AGMO: variants seen among roughly 807,000 people sequenced by gnomAD.
AGMO encodes glyceryl-ether monooxygenase.
A neutral mutation model predicts 60.2 loss-of-function variants in AGMO; 75 were observed. The ratio of observed to expected loss-of-function variants is 1.25; its 90% CI spans 1.03 to 1.51. AGMO has a LOEUF of 1.51. Among genes scored for constraint, AGMO ranks in the 40% most tolerant of loss-of-function variants. AGMO has a pLI of 0.00. For synonymous variants in AGMO, 261 were observed against 177.1 expected (o/e 1.47, Z -3.76); for missense variants, 763 against 525.5 (o/e 1.45, Z -4.42).
At chr7:15,219,747 G>GC (rs1373180647) in intron 12 of AGMO, among the ~76,000 whole-genome samples, 16 of 152,156 alleles carry the variant, frequency 1.1e-4, no homozygotes, top group Non-Finnish European at 2.1e-4. Flanking sequence ...ACAGTGGCCA[G>GC]AGGGAAAGTA....
intron 10 of AGMO, among the ~76,000 whole-genome samples, chr7:15,371,113 C>T: frequency 6.6e-6 from 1 of 152,086 alleles, no homozygotes; most frequent in East Asian, 1.9e-4. Flanking sequence ...TAAAAATTAA[C>T]TCAAGATTGA....
chr7:15,343,338 T>C (rs1781925879), intron 12 of AGMO, among the ~76,000 whole-genome samples: 1 of 152,136 alleles, frequency 6.6e-6, no homozygotes, highest in Admixed American at 6.5e-5. Context: ...GCGGAAATAA[T>C]TATAGACAAC....
chr7:15,221,311 T>C (rs1463144811), intron 12 of AGMO, among the ~76,000 whole-genome samples: 1 of 152,144 alleles, frequency 6.6e-6, no homozygotes. Context: ...GTAAGTCATC[T>C]AGCAAAACTT....
chr7:15,259,739 T>G (rs1669357376), intron 12 of AGMO, among the ~76,000 whole-genome samples: 1 of 151,606 alleles, frequency 6.6e-6, no homozygotes, highest in African/African-American at 2.4e-5. Context: ...CTAGAAGGGA[T>G]TTGGGTCCTA....
intron 12 of AGMO, among the ~76,000 whole-genome samples, chr7:15,233,606 T>C (rs1367959445): frequency 6.6e-6 from 1 of 151,944 alleles, no homozygotes; most frequent in Non-Finnish European, 1.5e-5. Context: ...GTGGTGATGA[T>C]TACACAGCAT....
At chr7:15,358,850 A>G (rs370334938) in intron 12 of AGMO, among the ~76,000 whole-genome samples, 6 of 152,258 alleles carry the variant, frequency 3.9e-5, no homozygotes, top group Non-Finnish European at 8.8e-5. Flanking sequence ...TCCTTGAAGT[A>G]TTGGGGATGA....
chr7:15,334,109 C>A (rs572314149), intron 12 of AGMO, among the ~76,000 whole-genome samples: 5 of 151,968 alleles, frequency 3.3e-5, no homozygotes, highest in South Asian at 2.1e-4. Flanking sequence ...TTTCTTATTA[C>A]CTTTGATATG....
intron 3 of AGMO, among the ~76,000 whole-genome samples, chr7:15,444,388 G>A (rs963619775): frequency 3.3e-5 from 5 of 152,026 alleles, no homozygotes; most frequent in African/African-American, 1.2e-4. Flanking sequence ...TTTATCTCCA[G>A]CATGAGAAAA....
At chr7:15,334,339 C>A in intron 12 of AGMO, among the ~76,000 whole-genome samples, 1 of 149,448 alleles carries the variant, frequency 6.7e-6, no homozygotes. Flanking sequence ...TATGCATCTG[C>A]TATTTATTTA....
chr7:15,531,613 G>GAAAATATAAATA (rs1784365040), intron 3 of AGMO, among the ~76,000 whole-genome samples: 1 of 71,308 alleles, frequency 1.4e-5, no homozygotes, highest in Admixed American at 2.0e-4. Context: ...TATATTCTAT[G>GAAAATATAAATA]TATATTCTAT....
chr7:15,554,010 C>G (rs1785055776), intron 2 of AGMO, among the ~76,000 whole-genome samples: 1 of 151,954 alleles, frequency 6.6e-6, no homozygotes, highest in Admixed American at 6.6e-5. Context: ...AATTTGATCC[C>G]CTTTTATTAC....
intron 12 of AGMO, among the ~76,000 whole-genome samples, chr7:15,284,343 C>T (rs1446560200): frequency 1.3e-5 from 2 of 151,814 alleles, no homozygotes; most frequent in Non-Finnish European, 2.9e-5. Context: ...CTAGATTAAT[C>T]AAGAAGAGAG....
intron 4 of AGMO, among the ~76,000 whole-genome samples, chr7:15,419,920 T>C (rs1780880951): frequency 6.6e-6 from 1 of 152,068 alleles, no homozygotes; most frequent in Non-Finnish European, 1.5e-5. Context: ...GATTTGATTG[T>C]TTCATAATAC....
chr7:15,121,112 G>A, the AGMO span, among the ~76,000 whole-genome samples: 23 of 152,156 alleles, frequency 1.5e-4, no homozygotes, highest in African/African-American at 3.9e-4. Context: ...TGAGGATGAC[G>A]GCTTCCAGCT....
chr7:15,551,518 C>T (rs1199011583), intron 2 of AGMO, among the ~76,000 whole-genome samples: 4 of 137,350 alleles, frequency 2.9e-5, no homozygotes, highest in Non-Finnish European at 4.6e-5. Flanking sequence ...TTCTTATACA[C>T]CAACAACAGA....
At chr7:15,203,497 CTTT>C (rs1270640833) in intron 12 of AGMO, among the ~76,000 whole-genome samples, 3 of 147,832 alleles carry the variant, frequency 2.0e-5, no homozygotes, top group Non-Finnish European at 3.0e-5. Flanking sequence ...TTTTTCTTTT[CTTT>C]TTTTTTGTTT....
chr7:15,461,534 T>C (rs1015420214), intron 3 of AGMO, among the ~76,000 whole-genome samples: 2 of 152,120 alleles, frequency 1.3e-5, no homozygotes, highest in African/African-American at 4.8e-5. Context: ...GAAGAACTTA[T>C]TTTATTTGAG....
At chr7:15,158,307 T>C in the AGMO span, among the ~76,000 whole-genome samples, 1 of 152,160 alleles carries the variant, frequency 6.6e-6, no homozygotes, top group African/African-American at 2.4e-5. Context: ...GCAGCACTGC[T>C]ATAGGACACG....
chr7:15,393,983 AG>A (rs1784259366), intron 6 of AGMO, 129 bp downstream of exon 6: 4 of 687,354 alleles, frequency 5.8e-6, no homozygotes, highest in Non-Finnish European at 7.3e-6. Context: ...ATAGAAAAGA[AG>A]AAACTATTAT....
Sources: gnomAD v4.1 joint callset for allele counts (sites outside exome capture counted in the v4.1 genomes callset) on GRCh38, gnomAD v4.1.1 for gene constraint, MANE v1.5 for transcripts, NCBI Gene and HGNC (gene_info 2026-07-23, HGNC 2026-07-21) for gene names.